Variants in LRP1B observed in about 807,000 individuals in gnomAD.
LRP1B encodes the protein low-density lipoprotein receptor-related protein 1B.
A neutral mutation model predicts 556.6 loss-of-function variants in LRP1B; 217 were observed. That is an observed-to-expected ratio of 0.39 (90% CI 0.35 to 0.44). LRP1B has a LOEUF of 0.44. LRP1B is among the 20% of genes least tolerant of loss of function. The pLI, the probability that LRP1B is intolerant of heterozygous loss-of-function variation, is 1.00. For synonymous variants in LRP1B, 2,047 were observed against 1,865.8 expected, an observed-to-expected ratio of 1.10 and a Z score of -2.50; for missense variants, 5,053 against 5,620.8, an observed-to-expected ratio of 0.90 and a Z score of 3.23.
intron 86 of LRP1B, among the ~76,000 whole-genome samples, chr2:140,260,553 T>C (rs1681888997): frequency 6.6e-6 from 1 of 151,852 alleles, no homozygotes; most frequent in South Asian, 2.1e-4. Context: ...ATATACCTTT[T>C]ATAAGATTGG....
chr2:140,262,445 G>A (rs1352390750), intron 86 of LRP1B, among the ~76,000 whole-genome samples: 1 of 152,120 alleles, frequency 6.6e-6, no homozygotes, highest in Non-Finnish European at 1.5e-5. Context: ...AAGGTTTGGA[G>A]AGGCTAATAG....
At chr2:141,628,043 T>TCTTC (rs1688764679) in intron 2 of LRP1B, among the ~76,000 whole-genome samples, 1 of 152,230 alleles carries the variant, frequency 6.6e-6, no homozygotes, top group African/African-American at 2.4e-5. Context: ...GATTCAAAGA[T>TCTTC]AATCCACAGT....
intron 32 of LRP1B, among the ~76,000 whole-genome samples, chr2:140,776,713 C>T (rs1293977007): frequency 1.3e-5 from 2 of 151,946 alleles, no homozygotes; most frequent in Admixed American, 1.3e-4. Flanking sequence ...AGTGTGTAAG[C>T]TTTTGATCAT....
chr2:141,965,898 C>G (rs1458744147), intron 1 of LRP1B, among the ~76,000 whole-genome samples: 1 of 149,670 alleles, frequency 6.7e-6, no homozygotes, highest in Non-Finnish European at 1.5e-5. Context: ...AAATTTTATG[C>G]TATGAGCTAA....
At chr2:141,643,784 C>T (rs1366878030) in intron 2 of LRP1B, among the ~76,000 whole-genome samples, 1 of 151,940 alleles carries the variant, frequency 6.6e-6, no homozygotes, top group Non-Finnish European at 1.5e-5. Flanking sequence ...ATGCTGTGAC[C>T]CCCTGTCTTC....
chr2:141,579,760 C>G (rs1239572716), intron 2 of LRP1B, among the ~76,000 whole-genome samples: 4 of 94,504 alleles, frequency 4.2e-5, no homozygotes, highest in Admixed American at 2.7e-4. Context: ...AGTGCAGTGG[C>G]GTGATCTCGG....
intron 1 of LRP1B, among the ~76,000 whole-genome samples, chr2:141,864,067 T>C (rs940051597): frequency 3.3e-5 from 5 of 152,154 alleles, no homozygotes; most frequent in Admixed American, 2.0e-4. Context: ...GTTGATGCTT[T>C]GGTTAAACAG....
At chr2:140,708,527 TATA>T (rs946769432) in intron 37 of LRP1B, among the ~76,000 whole-genome samples, 4 of 150,930 alleles carry the variant, frequency 2.7e-5, no homozygotes, top group African/African-American at 4.9e-5. Context: ...TACACACATA[TATA>T]ATATTTCATA....
chr2:140,768,678 C>T (rs1689198632), intron 35 of LRP1B, among the ~76,000 whole-genome samples: 1 of 151,894 alleles, frequency 6.6e-6, no homozygotes, highest in Non-Finnish European at 1.5e-5. Context: ...TGCTTCCTTT[C>T]ACTGTTTGCT....
chr2:140,772,354 T>C (rs1689342956), intron 33 of LRP1B, among the ~76,000 whole-genome samples: 1 of 151,946 alleles, frequency 6.6e-6, no homozygotes, highest in African/African-American at 2.4e-5. Flanking sequence ...CTGTTGCCCA[T>C]GCTGAAGTGC....
At chr2:140,920,615 T>G (rs1446190797) in intron 21 of LRP1B, among the ~76,000 whole-genome samples, 2 of 152,060 alleles carry the variant, frequency 1.3e-5, no homozygotes, top group Non-Finnish European at 2.9e-5. Context: ...TGGTTCATTT[T>G]AATGACTGCA....
At chr2:140,449,802 A>G (rs1686812246) in intron 63 of LRP1B, among the ~76,000 whole-genome samples, 1 of 152,188 alleles carries the variant, frequency 6.6e-6, no homozygotes, top group Non-Finnish European at 1.5e-5. Context: ...TTTTGAACTC[A>G]ATTGTCAAGG....
intron 1 of LRP1B, among the ~76,000 whole-genome samples, chr2:142,122,555 G>A: frequency 6.6e-6 from 1 of 152,054 alleles, no homozygotes; most frequent in East Asian, 1.9e-4. Context: ...GCTAGTCTTT[G>A]TGTTAGAAAT....
chr2:141,179,100 G>A (rs943032636), intron 7 of LRP1B, among the ~76,000 whole-genome samples: 2 of 151,884 alleles, frequency 1.3e-5, no homozygotes, highest in African/African-American at 4.8e-5. Flanking sequence ...GGATATATTT[G>A]AAACTTTTAT....
intron 3 of LRP1B, among the ~76,000 whole-genome samples, chr2:141,463,512 G>C (rs1272834540): frequency 7.2e-6 from 1 of 138,344 alleles, no homozygotes; most frequent in African/African-American, 2.7e-5. Context: ...GACCAGGAAA[G>C]AAACAAATAT....
At chr2:141,464,946 A>AT (rs1365954831) in intron 3 of LRP1B, among the ~76,000 whole-genome samples, 1 of 152,074 alleles carries the variant, frequency 6.6e-6, no homozygotes, top group East Asian at 1.9e-4. Context: ...ATCAATAGCA[A>AT]TAAAAAAAAG....
Position 141,938,418 on chromosome 2 carries a change from C to A in LRP1B, c.83-128017G>T, listed in dbSNP as rs77334828. ...CCACAGTAAGGTTGGTTAGGATGACCATGATAAAGAAGATAAGAGATAAAT... is the reference window on the plus strand; with the variant it reads ...CCACAGTAAGGTTGGTTAGGATGACAATGATAAAGAAGATAAGAGATAAAT... On this transcript the variant is annotated intron_variant, in intron 1 of 90. Coordinates refer to ENST00000389484, the MANE Select transcript of LRP1B (RefSeq NM_018557.3). Among the ~76,000 whole-genome samples the A allele has an allele frequency of 6.6e-5, 10 of 152,082 alleles. 1 individual carries two copies. In the East Asian group the frequency reaches 1.7e-3, roughly 26 times the overall value.
intron 59 of LRP1B, among the ~76,000 whole-genome samples, chr2:140,484,326 A>G (rs1251583798): frequency 1.3e-5 from 2 of 152,178 alleles, no homozygotes; most frequent in Non-Finnish European, 2.9e-5. Context: ...TGCCAATTAT[A>G]AACATGAGGG....
intron 2 of LRP1B, among the ~76,000 whole-genome samples, chr2:141,613,275 G>T (rs1688174308): frequency 6.6e-6 from 1 of 151,836 alleles, no homozygotes; most frequent in Non-Finnish European, 1.5e-5. Context: ...GCTGTTTTAG[G>T]TCCTGTAGTC....
Sources: allele counts gnomAD v4.1 joint callset (sites outside exome capture counted in the v4.1 genomes callset), GRCh38; gene constraint gnomAD v4.1.1; transcripts MANE v1.5; gene names NCBI Gene and HGNC (gene_info 2026-07-23, HGNC 2026-07-21).